Variants in GRIK3 observed in about 807,000 individuals in gnomAD.
The protein encoded by GRIK3 is glutamate ionotropic receptor kainate type subunit 3, also known as glutamate receptor ionotropic, kainate 3.
In GRIK3, 29 loss-of-function variants were observed where a neutral mutation model predicts 102.5. The observed-to-expected ratio is 0.28, with a 90% CI of 0.21 to 0.39. The LOEUF is 0.39. Among genes scored for constraint, GRIK3 ranks in the 10% least tolerant of loss-of-function variants. The pLI is 1.00. For missense variants in GRIK3, 908 were observed against 1,252.4 expected, an observed-to-expected ratio of 0.73 and a Z score of 4.15; for synonymous variants, 511 against 504.9, an observed-to-expected ratio of 1.01 and a Z score of -0.16.
In GRIK3 at chr1:36,801,797, C is replaced by T; in HGVS notation, c.*54G>A. 6.8e-7 allele frequency: 1 copy of T among 1,460,990 alleles called. No individual in the cohort carries two copies. The highest frequency in any genetic ancestry group is 9.2e-7 in the Non-Finnish European group (1 of 1,082,136). The allele number at this position is 1,460,990 out of a possible 1,614,324, so 90.5% of individuals were successfully genotyped here. On this transcript the variant is annotated 3_prime_UTR_variant, in exon 16 of 16. Transcript: ENST00000373091. ...GGACAGGGGACGTTCCTTCCAATCT[C>T]CTTTGCTTTCCTCTGCCCAGCCCCC...
intron 11 of GRIK3, among the ~76,000 whole-genome samples, chr1:36,824,124 A>G (rs1345812581): frequency 6.6e-6 from 1 of 152,120 alleles, no homozygotes; most frequent in African/African-American, 2.4e-5. Context: ...AAAGTCTCCC[A>G]GCCTAACCTT....
intron 11 of GRIK3, among the ~76,000 whole-genome samples, chr1:36,821,931 C>A (rs1278380174): frequency 2.0e-5 from 3 of 152,194 alleles, no homozygotes; most frequent in Admixed American, 2.0e-4. Flanking sequence ...ATATTTTTAA[C>A]CCCAAAAAAT....
At chr1:36,963,586 C>G (rs142445824) in intron 1 of GRIK3, among the ~76,000 whole-genome samples, 221 of 152,296 alleles carry the variant, frequency 1.5e-3, no homozygotes, top group Non-Finnish European at 2.6e-3. Flanking sequence ...GGTCCAAGAT[C>G]TCACCCAAAG....
chr1:36,824,970 TGG>T (rs1642739783), intron 11 of GRIK3, among the ~76,000 whole-genome samples: 1 of 152,170 alleles, frequency 6.6e-6, no homozygotes, highest in African/African-American at 2.4e-5. Flanking sequence ...GCACAGTGCT[TGG>T]CGAGCACTAG....
intron 1 of GRIK3, among the ~76,000 whole-genome samples, chr1:36,907,229 A>G (rs1641293596): frequency 6.6e-6 from 1 of 152,158 alleles, no homozygotes; most frequent in Admixed American, 6.6e-5. Flanking sequence ...CAAAATCATG[A>G]TGCAAAAGAA....
At chr1:36,972,396 C>A (rs1213526947) in intron 1 of GRIK3, among the ~76,000 whole-genome samples, 1 of 152,218 alleles carries the variant, frequency 6.6e-6, no homozygotes, top group Non-Finnish European at 1.5e-5. Flanking sequence ...GCTCACGGCA[C>A]CCCAGCCAGC....
chr1:36,854,778 G>A (rs907283906), intron 7 of GRIK3, among the ~76,000 whole-genome samples: 3 of 152,152 alleles, frequency 2.0e-5, no homozygotes, highest in South Asian at 2.1e-4. Flanking sequence ...CTGAGTCTAC[G>A]TGGTCCTTTC....
In GRIK3 at chr1:36,806,196, G is replaced by A. The variant is rs1642500557; in HGVS notation, c.2222C>T (p.Thr741Ile). 1 of 1,614,142 alleles carries A rather than the reference G, an allele frequency of 6.2e-7. No individual in the cohort carries two copies. Among genetic ancestry groups the A allele is most frequent in the Non-Finnish European group, 8.5e-7 (1 of 1,179,976 alleles). The stretch of plus-strand genomic sequence containing the variant: ...CCTCTGCGTGACGTACTCGATGGTG[G>A]TGGACTCCATGAGCAGCGCGTAGTC... The part of the protein sequence containing the change: ...TADYALLMES[T>I]TIEYVTQRNC... The change falls in exon 14 of 16, where the codon ACC becomes ATC. Residue 741 changes from threonine to isoleucine, a missense_variant. By Grantham distance (89) the Thr-to-Ile change is moderately conservative. Around this residue, in one of 3 missense-constraint regions of GRIK3, gnomAD observed 297 missense variants for 362.7 expected, o/e 0.82. Transcript: ENST00000373091. This position sits in a 1 kb window ranked among gnomAD's most constrained non-coding sequence, Gnocchi z 4.0.
intron 1 of GRIK3, among the ~76,000 whole-genome samples, chr1:36,923,540 A>G (rs1021459743): frequency 1.3e-5 from 2 of 152,232 alleles, no homozygotes; most frequent in African/African-American, 4.8e-5. Context: ...ACACCACTGC[A>G]TGGGAATGAG....
chr1:36,980,124 A>G (rs541964776), intron 1 of GRIK3, among the ~76,000 whole-genome samples: 3 of 152,280 alleles, frequency 2.0e-5, no homozygotes, highest in African/African-American at 7.2e-5. Flanking sequence ...AACCAGCAGA[A>G]GCAAACCATG....
intron 1 of GRIK3, among the ~76,000 whole-genome samples, chr1:36,940,244 T>G (rs552789416): frequency 6.6e-6 from 1 of 152,342 alleles, no homozygotes; most frequent in African/African-American, 2.4e-5. Flanking sequence ...ACAACCCAAC[T>G]GTGTCTCCAC....
chr1:36,950,862 C>G (rs1404444662), intron 1 of GRIK3, among the ~76,000 whole-genome samples: 3 of 152,198 alleles, frequency 2.0e-5, no homozygotes, highest in Admixed American at 2.0e-4. Flanking sequence ...CACTCACTCC[C>G]CTGGGATGAT....
intron 14 of GRIK3, among the ~76,000 whole-genome samples, chr1:36,805,832 A>G (rs1422409214): frequency 6.9e-6 from 1 of 145,602 alleles, no homozygotes; most frequent in African/African-American, 2.5e-5. Flanking sequence ...GCTACTCGGG[A>G]GGCTGAGGCA....
chr1:37,021,294 GA>G (rs926579623), intron 1 of GRIK3, among the ~76,000 whole-genome samples: 5 of 150,572 alleles, frequency 3.3e-5, no homozygotes, highest in African/African-American at 9.8e-5. Flanking sequence ...ACCCGTGAAA[GA>G]AAAAAAAATG....
intron 1 of GRIK3, among the ~76,000 whole-genome samples, chr1:36,930,192 G>A (rs146354156): frequency 6.6e-6 from 1 of 152,282 alleles, no homozygotes; most frequent in South Asian, 2.1e-4. Context: ...GAATACCAGG[G>A]GGAAGGATCA....
chr1:36,831,304 A>G (rs540447737), intron 10 of GRIK3, among the ~76,000 whole-genome samples: 90 of 152,270 alleles, frequency 5.9e-4, no homozygotes, highest in Middle Eastern at 6.8e-3. Context: ...CTGGCTTGGG[A>G]GCCCTGCAGC....
chr1:36,813,231 A>G (rs1264735429), intron 13 of GRIK3, among the ~76,000 whole-genome samples: 1 of 152,194 alleles, frequency 6.6e-6, no homozygotes, highest in Non-Finnish European at 1.5e-5. Flanking sequence ...CATGTTTCAA[A>G]TGGAGATGAT....
chr1:36,862,350 A>C (rs1372898867), intron 5 of GRIK3, among the ~76,000 whole-genome samples: 1 of 151,756 alleles, frequency 6.6e-6, no homozygotes, highest in Non-Finnish European at 1.5e-5. Context: ...TGACTGATGC[A>C]TCGTTGATTG....
chr1:36,991,139 T>C (rs1421449028), intron 1 of GRIK3, among the ~76,000 whole-genome samples: 1 of 152,226 alleles, frequency 6.6e-6, no homozygotes, highest in Non-Finnish European at 1.5e-5. Flanking sequence ...TTCACCTCTC[T>C]GAGCCTGTCT....
Sources: gnomAD v4.1 joint callset for allele counts (sites outside exome capture counted in the v4.1 genomes callset) on GRCh38, gnomAD v4.1.1 for gene constraint, gnomAD v4.1.1 regional missense constraint, Gnocchi (gnomAD v3.1) non-coding constraint, MANE v1.5 for transcripts, NCBI Gene and HGNC (gene_info 2026-07-23, HGNC 2026-07-21) for gene names.